FANCA: variants seen among roughly 807,000 people sequenced by gnomAD.
FANCA encodes Fanconi anemia group A protein.
A neutral mutation model predicts 194.3 loss-of-function variants in FANCA; 236 were observed. The observed-to-expected ratio is 1.21, with a 90% CI of 1.09 to 1.35. The LOEUF (loss-of-function observed/expected upper bound fraction) is 1.35. Among genes scored for constraint, FANCA ranks in the 40% most tolerant of loss-of-function variants. The pLI, the probability that FANCA is intolerant of heterozygous loss-of-function variation, is 0.00. For missense variants in FANCA, 2,628 were observed against 1,813.9 expected (o/e 1.45, Z -8.15); for synonymous variants, 1,014 against 715.8 (o/e 1.42, Z -6.65).
At chr16:89,805,507 G>T in intron 6 of FANCA, 115 bp from the exon 7 acceptor site, 1 of 739,638 alleles carries the variant, frequency 1.4e-6, no homozygotes, top group South Asian at 1.5e-5. Flanking sequence ...TGTCACTGAG[G>T]CTGGAGTGCA....
At chr16:89,767,386 G>T (rs2143310354) in intron 26 of FANCA, 149 bp from the exon 27 acceptor site, 2 of 677,408 alleles carry the variant, frequency 3.0e-6, no homozygotes, top group African/African-American at 1.8e-5. Context: ...TTCGTTTGTT[G>T]TGAGACAGTC....
chr16:89,781,350 C>T (rs1439252893), intron 17 of FANCA, among the ~76,000 whole-genome samples: 3 of 112,128 alleles, frequency 2.7e-5, no homozygotes, highest in Admixed American at 2.6e-4. Context: ...GGCAATAGAA[C>T]GAGACTCCAT....
chr16:89,741,157 C>T (rs1468033723), intron 37 of FANCA, among the ~76,000 whole-genome samples: 4 of 152,200 alleles, frequency 2.6e-5, no homozygotes, highest in Admixed American at 2.6e-4. Context: ...TGTGCGCAGT[C>T]CCAACTCAGC....
chr16:89,772,292 C>A (rs11641552), intron 22 of FANCA, among the ~76,000 whole-genome samples: 9,058 of 152,316 alleles, frequency 0.059, 408 homozygotes, highest in East Asian at 0.22. Context: ...CCTCCATGTC[C>A]CCCATGTACC....
chr16:89,766,217 G>T (rs374575917), intron 27 of FANCA, among the ~76,000 whole-genome samples: 16 of 151,374 alleles, frequency 1.1e-4, no homozygotes, highest in African/African-American at 3.9e-4. Context: ...GGCTGGTCTC[G>T]ATCTCTTGAC....
At chr16:89,742,359 G>A (rs1031759894) in intron 37 of FANCA, among the ~76,000 whole-genome samples, 1 of 152,010 alleles carries the variant, frequency 6.6e-6, no homozygotes, top group Non-Finnish European at 1.5e-5. Flanking sequence ...TCCAGAGGCT[G>A]AGGTAAGAGG....
In FANCA at chr16:89,759,850, C is replaced by T. The variant is rs559043356; in HGVS notation, c.2853-1145G>A. 1.2e-4 allele frequency among the ~76,000 whole-genome samples: 19 copies of T among 152,346 alleles called. 1 individual carries two copies. The South Asian group carries it at 2.9e-3, about 23-fold the overall frequency. On this transcript the variant is annotated intron_variant, in intron 29 of 42. Transcript: ENST00000389301. ...GCCACAACCAGGAAAACGCTCCACA[C>T]GACCCTGCAAATGTGAGTGCTAGGG... is the stretch of plus-strand genomic sequence containing the variant.
chr16:89,815,644 C>A (rs925871426), intron 2 of FANCA, among the ~76,000 whole-genome samples: 1 of 152,282 alleles, frequency 6.6e-6, no homozygotes. Context: ...CCCTGAGCCA[C>A]GGCGCCCGGC....
In FANCA at chr16:89,770,245, G is replaced by T; in HGVS notation, c.2237C>A (p.Ala746Asp). Residue 746 changes from alanine (A) to aspartate (D), a missense_variant, in exon 25 of 43, where the codon GCT becomes GAT. By Grantham distance (126) the Ala-to-Asp change is moderately radical. Transcript: ENST00000389301. ...VAPPERQGPW[A>D]ALFVRTMCGR... ...ACACATGGTCCTCACGAAGAGGGCA[G>T]CCCAGGGACCCTGCCTGCAGAGACA... 2 of 1,580,538 alleles carry T rather than the reference G, an allele frequency of 1.3e-6. No individual in the cohort carries two copies. The highest frequency in any genetic ancestry group is 1.8e-5 in the Admixed American group (1 of 54,092).
At chr16:89,772,068 G>A (rs578148261) in intron 22 of FANCA, among the ~76,000 whole-genome samples, 73 of 152,270 alleles carry the variant, frequency 4.8e-4, no homozygotes, top group African/African-American at 1.7e-3. Context: ...AGGGGGACAT[G>A]TTCATTCACC....
chr16:89,766,993 C>A, intron 27 of FANCA, 148 bp downstream of exon 27: 1 of 722,598 alleles, frequency 1.4e-6, no homozygotes, highest in South Asian at 1.5e-5. Flanking sequence ...CAGCCTGACT[C>A]AGGAGCTGCC....
At chr16:89,809,038 T>G (rs1252629890) in intron 5 of FANCA, among the ~76,000 whole-genome samples, 1 of 152,030 alleles carries the variant, frequency 6.6e-6, no homozygotes. Flanking sequence ...CCTGAGTAGC[T>G]GGGACTACAG....
rs1030916872 is a variant in FANCA, at chr16:89,758,806, G to A, written c.2853-101C>T. On this transcript the variant is annotated intron_variant, in intron 29 of 42. Coordinates refer to ENST00000389301, the MANE Select transcript of FANCA (RefSeq NM_000135.4). ...CCATAGTAAGGGACACACAGCACTA[G>A]TGAGAGCTGGGTTGAGACTGGCGGC... The A allele has an allele frequency of 4.5e-6, 7 of 1,563,340 alleles. No homozygotes were observed. In the East Asian group the frequency reaches 6.9e-5, roughly 15 times the overall value.
intron 20 of FANCA, among the ~76,000 whole-genome samples, chr16:89,776,325 G>T (rs191718441): frequency 6.6e-6 from 1 of 150,968 alleles, no homozygotes; most frequent in South Asian, 2.1e-4. Flanking sequence ...CTGCCACCAG[G>T]CCCAGCTAAT....
intron 14 of FANCA, among the ~76,000 whole-genome samples, chr16:89,785,825 T>A (rs922981818): frequency 7.9e-5 from 12 of 151,556 alleles, no homozygotes; most frequent in Non-Finnish European, 1.6e-4. Flanking sequence ...AGGCTCACCT[T>A]GGTCTTTCTG....
rs192359889 is a variant in FANCA at position 89,801,518 on chromosome 16, T to C, written c.792+1741A>G. ...ATATGCTATCAGTGAGAATGTAAAT[T>C]AATACAGCCATTATGGAAAATAGTA... On this transcript the variant is annotated intron_variant, in intron 8 of 42. Transcript: ENST00000389301. Among the ~76,000 whole-genome samples the C allele has an allele frequency of 4.4e-4, 67 of 152,242 alleles. 1 individual carries two copies. The highest frequency in any genetic ancestry group is 1.6e-3 in the African/African-American group (65 of 41,532).
intron 3 of FANCA, among the ~76,000 whole-genome samples, chr16:89,812,663 A>AC (rs2143696658): frequency 2.0e-5 from 3 of 149,502 alleles, no homozygotes; most frequent in African/African-American, 7.5e-5. Context: ...AAAAAAAAAA[A>AC]AAAAAAACTG....
Position 89,739,974 on chromosome 16 carries a change from C to T in FANCA, c.3934+20G>A, listed in dbSNP as rs2151714503. 1.9e-6 allele frequency: 3 copies of T among 1,613,334 alleles called. No homozygotes were observed. Among genetic ancestry groups the T allele is most frequent in the Middle Eastern group, 3.3e-4 (2 of 6,060 alleles). ...AAAGAGCGGCCCTCCGCATTTGTGC[C>T]TCAGCAGCGTGTTTCTTACCACTCT... On this transcript the variant is annotated intron_variant, in intron 39 of 42. Coordinates refer to ENST00000389301, the MANE Select transcript of FANCA (RefSeq NM_000135.4).
rs796596055 is a variant in FANCA, at chr16:89,812,666, A to C, written c.284-1595T>G. On this transcript the variant is annotated intron_variant, in intron 3 of 42. Transcript: ENST00000389301. ...CGTCTCAAAAAAAAAAAAAAAAAAA[A>C]AAAACTGTTAACTGCAGTACGAACC... is the stretch of plus-strand genomic sequence containing the variant. Among the ~76,000 whole-genome samples, 16 of 147,888 alleles carry C rather than the reference A, an allele frequency of 1.1e-4. 1 individual carries two copies. The highest frequency in any genetic ancestry group is 3.3e-4 in the African/African-American group (13 of 39,270).
Sources: gnomAD v4.1 joint callset for allele counts (sites outside exome capture counted in the v4.1 genomes callset) on GRCh38, gnomAD v4.1.1 for gene constraint, MANE v1.5 for transcripts, NCBI Gene and HGNC (gene_info 2026-07-23, HGNC 2026-07-21) for gene names.